DGLUCY: variants seen among roughly 807,000 people sequenced by gnomAD.
The protein encoded by DGLUCY is D-glutamate cyclase, mitochondrial.
In DGLUCY, 58 loss-of-function variants were observed where a neutral mutation model predicts 58.5. That is an observed-to-expected ratio of 0.99 (90% CI 0.80 to 1.23). The LOEUF (loss-of-function observed/expected upper bound fraction) is 1.23, where lower values mean the gene tolerates loss of function less well. Among genes scored for constraint, DGLUCY ranks in the 50% most tolerant of loss-of-function variants. The pLI is 0.00. For missense variants in DGLUCY, 779 were observed against 784.7 expected (o/e 0.99, Z 0.09); for synonymous variants, 325 against 314.1 (o/e 1.03, Z -0.37).
At chr14:91,179,023 C>CA (rs960292447) in intron 7 of DGLUCY, among the ~76,000 whole-genome samples, 118 of 144,980 alleles carry the variant, frequency 8.1e-4, no homozygotes, top group Middle Eastern at 3.5e-3. Flanking sequence ...GACTCTGTCT[C>CA]AAAAAAAAAA....
At chr14:91,086,073 A>G (rs901783855) in intron 1 of DGLUCY, among the ~76,000 whole-genome samples, 3 of 152,086 alleles carry the variant, frequency 2.0e-5, no homozygotes, top group African/African-American at 7.2e-5. Flanking sequence ...CATGAACCCT[A>G]TTGTGAACTG....
In DGLUCY at chr14:91,180,966, C is replaced by G. The variant is rs1210447213; in HGVS notation, c.731-220C>G. Among the ~76,000 whole-genome samples the G allele has an allele frequency of 3.3e-5, 5 of 152,204 alleles. No homozygotes were observed. The East Asian group carries it at 9.6e-4, about 29-fold the overall frequency. On this transcript the variant is annotated intron_variant, in intron 7 of 13. Transcript: ENST00000256324. ...TCACTTCTTTTCAACCCATATTCAA[C>G]TCATCTTTACTTTCCTAGAGATTAG...
intron 1 of DGLUCY, among the ~76,000 whole-genome samples, chr14:91,134,733 C>T (rs1309555859): frequency 1.3e-5 from 2 of 152,066 alleles, no homozygotes; most frequent in South Asian, 2.1e-4. Context: ...CCACCGTGCC[C>T]GGCCTCACAA....
intron 11 of DGLUCY, among the ~76,000 whole-genome samples, chr14:91,201,686 T>A (rs993381171): frequency 4.6e-5 from 7 of 152,034 alleles, no homozygotes; most frequent in African/African-American, 1.4e-4. Context: ...TCAAGCTATC[T>A]TCCCACCTCA....
intron 1 of DGLUCY, among the ~76,000 whole-genome samples, chr14:91,108,426 A>G (rs2044627962): frequency 1.3e-5 from 2 of 149,358 alleles, no homozygotes; most frequent in South Asian, 4.3e-4. Flanking sequence ...CAGTCCCTAG[A>G]GGAGGGCCGT....
chr14:91,126,401 T>G (rs1476667052), intron 1 of DGLUCY: 1 of 81,920 alleles, frequency 1.2e-5, no homozygotes, highest in Non-Finnish European at 2.2e-5. Context: ...GTCATGTCTG[T>G]GCCTTCTTAT....
intron 1 of DGLUCY, among the ~76,000 whole-genome samples, chr14:91,062,558 A>AATATAT (rs1157690131): frequency 2.1e-4 from 5 of 23,690 alleles, no homozygotes; most frequent in African/African-American, 9.7e-4. Flanking sequence ...AAAAAAAAAA[A>AATATAT]ATATATATAT....
At chr14:91,177,415 A>C (rs543985845) in intron 7 of DGLUCY, among the ~76,000 whole-genome samples, 2 of 152,200 alleles carry the variant, frequency 1.3e-5, no homozygotes, top group Non-Finnish European at 2.9e-5. Flanking sequence ...CCTTGAAAAC[A>C]AAGGTGAAGC....
At chr14:91,203,732 A>G (rs2050713820) in intron 11 of DGLUCY, among the ~76,000 whole-genome samples, 1 of 149,876 alleles carries the variant, frequency 6.7e-6, no homozygotes, top group African/African-American at 2.5e-5. Flanking sequence ...TCTGGAGTGC[A>G]GTGATGTGAT....
At chr14:91,175,078 A>G (rs2048783533) in intron 6 of DGLUCY, among the ~76,000 whole-genome samples, 1 of 152,174 alleles carries the variant, frequency 6.6e-6, no homozygotes, top group Admixed American at 6.5e-5. Flanking sequence ...GGAGGAAGCC[A>G]AGGGTTGCAG....
chr14:91,207,455 A>G (rs1445375380), intron 12 of DGLUCY, among the ~76,000 whole-genome samples: 1 of 152,238 alleles, frequency 6.6e-6, no homozygotes, highest in Non-Finnish European at 1.5e-5. Flanking sequence ...GATAAATAGT[A>G]GCATTTGAAG....
At chr14:91,189,978 CTTTTTTTTTTTTTT>C (rs55652724) in intron 9 of DGLUCY, among the ~76,000 whole-genome samples, 1 of 81,004 alleles carries the variant, frequency 1.2e-5, no homozygotes. Context: ...CTGTTAGGTT[CTTTTTTTTTTTTTT>C]TTTTTTTTTT....
At chr14:91,221,975 G>A (rs1354266785) in intron 13 of DGLUCY, among the ~76,000 whole-genome samples, 6 of 151,974 alleles carry the variant, frequency 3.9e-5, no homozygotes, top group Non-Finnish European at 5.9e-5. Context: ...CATACACTCA[G>A]CCTCTACACA....
chr14:91,141,542 C>T (rs2046672658), intron 1 of DGLUCY, among the ~76,000 whole-genome samples: 1 of 146,684 alleles, frequency 6.8e-6, no homozygotes, highest in Non-Finnish European at 1.5e-5. Flanking sequence ...AATGGATACT[C>T]AGAGAGGTTA....
chr14:91,136,559 C>T lies in DGLUCY; in HGVS notation c.-81-21080C>T, dbSNP rs185817191. Among the ~76,000 whole-genome samples, 234 of 151,840 alleles carry T rather than the reference C, an allele frequency of 1.5e-3. 3 individuals carry two copies. Among genetic ancestry groups the T allele is most frequent in the Admixed American group, 0.014 (219 of 15,216 alleles). ...ATTAACCAGGCATGGTGGTAGGAGC[C>T]TGTAATCCCAGCCACTCGGGAGTCT... On this transcript the variant is annotated intron_variant, in intron 1 of 13. Coordinates refer to ENST00000256324, the MANE Select transcript of DGLUCY (RefSeq NM_001102368.3).
intron 1 of DGLUCY, chr14:91,125,692 C>G (rs4243689): frequency 0.6 from 90,768 of 152,132 alleles, 28,213 homozygotes; most frequent in East Asian, 0.89. Context: ...GTGGCTCACT[C>G]CTGTAATCCC....
rs991556450 is a variant in DGLUCY at position 91,160,312 on chromosome 14, C to T, written c.18C>T (p.His6=). ...TTGACACGATGCCCTTCACACTCCACCTGAGGTCCCGCCTTCCCTCTGCCA... is the reference window on the plus strand; with the variant it reads ...TTGACACGATGCCCTTCACACTCCATCTGAGGTCCCGCCTTCCCTCTGCCA... The part of the protein sequence containing the change: MPFTL[H]LRSRLPSAIR... The change falls in exon 3 of 14, where the codon CAC becomes CAT. Residue 6 remains histidine (H), a synonymous_variant. Coordinates refer to ENST00000256324, the MANE Select transcript of DGLUCY (RefSeq NM_001102368.3). 3 of 1,612,844 alleles carry T rather than the reference C, an allele frequency of 1.9e-6. No individual in the cohort carries two copies. Among genetic ancestry groups the T allele is most frequent in the Non-Finnish European group, 2.5e-6 (3 of 1,179,464 alleles).
At chr14:91,079,377 G>A (rs1321484266) in intron 1 of DGLUCY, among the ~76,000 whole-genome samples, 1 of 145,778 alleles carries the variant, frequency 6.9e-6, no homozygotes, top group East Asian at 2.0e-4. Flanking sequence ...TTTTTTTAAG[G>A]CAGAGTCTTG....
intron 11 of DGLUCY, among the ~76,000 whole-genome samples, chr14:91,201,062 G>A (rs1177312588): frequency 6.6e-6 from 1 of 152,132 alleles, no homozygotes; most frequent in Non-Finnish European, 1.5e-5. Context: ...CATTCACAAG[G>A]GCAGGGGAAT....
Sources: allele counts gnomAD v4.1 joint callset (sites outside exome capture counted in the v4.1 genomes callset), GRCh38; gene constraint gnomAD v4.1.1; transcripts MANE v1.5; gene names NCBI Gene and HGNC (gene_info 2026-07-23, HGNC 2026-07-21).